PSMB7: variants seen among roughly 807,000 people sequenced by gnomAD.
The protein encoded by PSMB7 is proteasome 20S subunit beta 7, also known as proteasome subunit beta type-7.
A neutral mutation model predicts 28.1 loss-of-function variants in PSMB7; 5 were observed. The ratio of observed to expected loss-of-function variants is 0.18; its 90% CI spans 0.09 to 0.37. The LOEUF (loss-of-function observed/expected upper bound fraction) is 0.37. PSMB7 is among the 10% of genes least tolerant of loss of function. The probability of loss-of-function intolerance (pLI) is 1.00; values close to 1 mark genes in which losing one functional copy is unlikely to be tolerated. For missense variants in PSMB7, 275 were observed against 346.2 expected, an observed-to-expected ratio of 0.79 and a Z score of 1.63; for synonymous variants, 122 against 123.7, an observed-to-expected ratio of 0.99 and a Z score of 0.09.
At chr9:124,410,039 C>T (rs1330215202) in intron 4 of PSMB7, among the ~76,000 whole-genome samples, 80 of 140,000 alleles carry the variant, frequency 5.7e-4, no homozygotes, top group African/African-American at 2.1e-3. Flanking sequence ...GACGGAGTCT[C>T]GCACTTTCAC....
chr9:124,407,776 G>T (rs1027668777), intron 4 of PSMB7, among the ~76,000 whole-genome samples: 1 of 152,144 alleles, frequency 6.6e-6, no homozygotes, highest in Non-Finnish European at 1.5e-5. Flanking sequence ...TGTTTATGAT[G>T]ATTAAAAAAG....
At chr9:124,414,184 A>G (rs1012764469) in intron 2 of PSMB7, among the ~76,000 whole-genome samples, 179 bp from the exon 3 acceptor site, 5 of 152,264 alleles carry the variant, frequency 3.3e-5, no homozygotes, top group African/African-American at 1.2e-4. Flanking sequence ...AAGGTTTCTT[A>G]GTAAATGCTA....
chr9:124,412,492 A>G lies in PSMB7; in HGVS notation c.255T>C (p.Tyr85=), dbSNP rs777751691. The G allele has an allele frequency of 7.4e-6, 12 of 1,613,358 alleles. No individual in the cohort carries two copies. Among genetic ancestry groups the G allele is most frequent in the Admixed American group, 1.7e-5 (1 of 59,858 alleles). The change falls in exon 4 of 8, where the codon TAT becomes TAC. Residue 85 remains tyrosine, a splice_region_variant and synonymous_variant. Coordinates refer to ENST00000259457, the MANE Select transcript of PSMB7 (RefSeq NM_002799.4). ...SKIHFISPNI[Y]CCGAGTAADT... ...CTGCAGCTGTCCCAGCACCACAACA[A>G]CTGAAAAATCCAATTAGAAACTTAG... is the stretch of plus-strand genomic sequence containing the variant.
intron 5 of PSMB7, among the ~76,000 whole-genome samples, chr9:124,392,927 A>G (rs1056702920): frequency 6.6e-6 from 1 of 152,172 alleles, no homozygotes; most frequent in Admixed American, 6.5e-5. Flanking sequence ...AGTCACACAC[A>G]GGACTTTCTA....
chr9:124,353,947 G>A (rs1254140102), intron 7 of PSMB7, among the ~76,000 whole-genome samples: 1 of 151,840 alleles, frequency 6.6e-6, no homozygotes, highest in Non-Finnish European at 1.5e-5. Flanking sequence ...CTGGCCCTTG[G>A]TGGACACGTG....
intron 6 of PSMB7, among the ~76,000 whole-genome samples, chr9:124,379,150 T>C (rs922415732): frequency 6.6e-6 from 1 of 151,860 alleles, no homozygotes; most frequent in Non-Finnish European, 1.5e-5. Context: ...CCTTCACTGA[T>C]AAAAATAAAG....
chr9:124,397,278 C>T (rs1009903489), intron 5 of PSMB7, among the ~76,000 whole-genome samples: 1 of 152,146 alleles, frequency 6.6e-6, no homozygotes, highest in Non-Finnish European at 1.5e-5. Context: ...GCTGGATGAA[C>T]GCTGCTCTCA....
chr9:124,398,919 C>G (rs1184366596), intron 5 of PSMB7, among the ~76,000 whole-genome samples: 2 of 150,934 alleles, frequency 1.3e-5, no homozygotes, highest in Non-Finnish European at 2.9e-5. Context: ...TGAATTTTAA[C>G]TGAAAATAAT....
intron 6 of PSMB7, among the ~76,000 whole-genome samples, chr9:124,367,754 G>A (rs978171772): frequency 1.3e-5 from 2 of 152,196 alleles, no homozygotes; most frequent in African/African-American, 2.4e-5. Context: ...GGATGGTCAT[G>A]AGGATGATAC....
intron 7 of PSMB7, among the ~76,000 whole-genome samples, chr9:124,354,804 C>T (rs1033319376): frequency 1.3e-5 from 2 of 152,242 alleles, no homozygotes; most frequent in Non-Finnish European, 2.9e-5. Flanking sequence ...CAAAGTCCCA[C>T]GTGGCCTCTG....
chr9:124,398,427 A>G, intron 5 of PSMB7: 1 of 332,464 alleles, frequency 3.0e-6, no homozygotes, highest in South Asian at 2.5e-5. Flanking sequence ...GCGAGTACAA[A>G]ACCGTGATCT....
rs1830401720 is a variant in PSMB7, at chr9:124,356,075, C to T, written c.722+689G>A. Among the ~76,000 whole-genome samples the T allele has an allele frequency of 6.6e-6, 1 of 152,106 alleles. No homozygotes were observed. Among genetic ancestry groups the T allele is most frequent in the Non-Finnish European group, 1.5e-5 (1 of 68,034 alleles). The stretch of plus-strand genomic sequence containing the variant: ...CTCAGGGAGCCCATCCTGACCTGCC[C>T]GGGCTCCCAGAAGAGGTCAGGAGCC... On this transcript the variant is annotated intron_variant, in intron 7 of 7. Transcript: ENST00000259457. This position sits in a 1 kb window ranked among gnomAD's most constrained non-coding sequence, Gnocchi z 4.4.
intron 3 of PSMB7, among the ~76,000 whole-genome samples, chr9:124,413,086 C>T (rs904792952): frequency 2.3e-4 from 29 of 127,804 alleles, no homozygotes; most frequent in African/African-American, 7.6e-4. Context: ...GAGACCCAGG[C>T]GGGAGGATCA....
chr9:124,409,095 T>G (rs185358299), intron 4 of PSMB7, among the ~76,000 whole-genome samples: 1 of 152,336 alleles, frequency 6.6e-6, no homozygotes, highest in African/African-American at 2.4e-5. Flanking sequence ...ATCCAGGTAG[T>G]TTTTTACATT....
intron 5 of PSMB7, among the ~76,000 whole-genome samples, chr9:124,392,662 ACAAT>A (rs1830799330): frequency 6.6e-6 from 1 of 152,224 alleles, no homozygotes; most frequent in Non-Finnish European, 1.5e-5. Context: ...GCTATTTTAT[ACAAT>A]CACTCTCAGC....
At chr9:124,365,882 T>C (rs1260758963) in intron 6 of PSMB7, among the ~76,000 whole-genome samples, 1 of 152,014 alleles carries the variant, frequency 6.6e-6, no homozygotes, top group Non-Finnish European at 1.5e-5. Flanking sequence ...GCCACCGCAC[T>C]CCAGCCTGAG....
chr9:124,395,733 TTA>T (rs1830834018), intron 5 of PSMB7, among the ~76,000 whole-genome samples: 1 of 152,054 alleles, frequency 6.6e-6, no homozygotes, highest in Non-Finnish European at 1.5e-5. Context: ...GAAATAGGGG[TTA>T]TGAGGTTCCA....
intron 5 of PSMB7, among the ~76,000 whole-genome samples, chr9:124,386,639 C>A (rs1830723044): frequency 6.6e-6 from 1 of 152,172 alleles, no homozygotes; most frequent in South Asian, 2.1e-4. Flanking sequence ...CAAGGGTAAT[C>A]AACCAGAGGC....
intron 6 of PSMB7, among the ~76,000 whole-genome samples, chr9:124,379,891 A>G (rs1343074129): frequency 1.3e-5 from 2 of 152,246 alleles, no homozygotes; most frequent in African/African-American, 4.8e-5. Context: ...AACTCAGACT[A>G]AGCTCAGGGT....
Sources: gnomAD v4.1 joint callset for allele counts (sites outside exome capture counted in the v4.1 genomes callset) on GRCh38, gnomAD v4.1.1 for gene constraint, Gnocchi (gnomAD v3.1) non-coding constraint, MANE v1.5 for transcripts, NCBI Gene and HGNC (gene_info 2026-07-23, HGNC 2026-07-21) for gene names.